GRID2: variants seen among roughly 807,000 people sequenced by gnomAD.
The protein encoded by GRID2 is glutamate ionotropic receptor delta type subunit 2.
Under a neutral mutation model 114.8 loss-of-function variants are expected in GRID2, and 33 were observed. The observed-to-expected ratio is 0.29, with a 90% confidence interval of 0.22 to 0.38. The LOEUF is 0.38. GRID2 is among the 10% of genes least tolerant of loss of function. The probability of loss-of-function intolerance (pLI) is 1.00; values close to 1 mark genes in which losing one functional copy is unlikely to be tolerated. For missense variants in GRID2, 1,184 were observed against 1,257.7 expected, an observed-to-expected ratio of 0.94 and a Z score of 0.89; for synonymous variants, 505 against 449.9, an observed-to-expected ratio of 1.12 and a Z score of -1.55.
At chr4:92,526,268 A>G (rs1245642701) in intron 1 of GRID2, among the ~76,000 whole-genome samples, 1 of 152,154 alleles carries the variant, frequency 6.6e-6, no homozygotes, top group Non-Finnish European at 1.5e-5. Flanking sequence ...CTAGAATACT[A>G]TCAACACAGC....
intron 2 of GRID2, among the ~76,000 whole-genome samples, chr4:92,762,894 C>G (rs1225042271): frequency 1.3e-5 from 2 of 152,112 alleles, no homozygotes; most frequent in Non-Finnish European, 2.9e-5. Context: ...TTTTTCTGAC[C>G]TATGCTTTAC....
intron 2 of GRID2, among the ~76,000 whole-genome samples, chr4:92,949,276 ATTAT>A: frequency 1.3e-5 from 2 of 152,028 alleles, no homozygotes; most frequent in Non-Finnish European, 2.9e-5. Flanking sequence ...TATCTATGTA[ATTAT>A]TAAAGATAAA....
intron 2 of GRID2, among the ~76,000 whole-genome samples, chr4:92,674,781 A>G (rs913196823): frequency 1.3e-5 from 2 of 152,110 alleles, no homozygotes; most frequent in African/African-American, 2.4e-5. Context: ...TCGGCCTCCC[A>G]AAGTCCAAAA....
At chr4:92,933,955 T>C (rs1485248246) in intron 2 of GRID2, among the ~76,000 whole-genome samples, 2 of 151,750 alleles carry the variant, frequency 1.3e-5, no homozygotes, top group Admixed American at 6.6e-5. Flanking sequence ...TTTTACTCTC[T>C]ATGAAACTTC....
chr4:93,688,557 C>A (rs1445792299), intron 14 of GRID2, among the ~76,000 whole-genome samples: 2 of 151,974 alleles, frequency 1.3e-5, no homozygotes, highest in African/African-American at 4.8e-5. Flanking sequence ...TGGATTTCAA[C>A]CCTGATCTGT....
At chr4:92,428,094 C>G (rs914211202) in intron 1 of GRID2, among the ~76,000 whole-genome samples, 1 of 151,910 alleles carries the variant, frequency 6.6e-6, no homozygotes, top group Non-Finnish European at 1.5e-5. Context: ...AATCCCGTCT[C>G]TACTAAAAAT....
chr4:92,610,121 C>T (rs188841128), intron 2 of GRID2, among the ~76,000 whole-genome samples: 20 of 151,742 alleles, frequency 1.3e-4, no homozygotes, highest in African/African-American at 4.6e-4. Flanking sequence ...GGAATGTGAA[C>T]AGAGGTGTGG....
At chr4:92,931,430 C>T (rs1401528795) in intron 2 of GRID2, among the ~76,000 whole-genome samples, 2 of 150,888 alleles carry the variant, frequency 1.3e-5, no homozygotes, top group Non-Finnish European at 3.0e-5. Flanking sequence ...CAGGCAAGAT[C>T]TCTTCCTACT....
chr4:92,658,805 AT>A (rs1732376132), intron 2 of GRID2, among the ~76,000 whole-genome samples: 1 of 146,286 alleles, frequency 6.8e-6, no homozygotes, highest in African/African-American at 2.5e-5. Context: ...ATATATATAT[AT>A]ATATATATAT....
chr4:92,360,874 G>GT (rs1560586449), intron 1 of GRID2, among the ~76,000 whole-genome samples: 1 of 151,858 alleles, frequency 6.6e-6, no homozygotes, highest in African/African-American at 2.4e-5. Flanking sequence ...TATATCAACT[G>GT]TAAGTCTTCA....
intron 13 of GRID2, among the ~76,000 whole-genome samples, chr4:93,578,924 C>A (rs559584438): frequency 6.6e-6 from 1 of 152,206 alleles, no homozygotes; most frequent in South Asian, 2.1e-4. Context: ...AGACATTCTT[C>A]CATAATAGTT....
chr4:92,840,172 A>AT (rs1183304274), intron 2 of GRID2, among the ~76,000 whole-genome samples: 24 of 152,062 alleles, frequency 1.6e-4, no homozygotes, highest in Middle Eastern at 3.4e-3. Flanking sequence ...TGAAATATAT[A>AT]TTTTTTCATA....
intron 9 of GRID2, among the ~76,000 whole-genome samples, chr4:93,399,668 T>C (rs61661603): frequency 0.23 from 35,142 of 151,938 alleles, 5,768 homozygotes; most frequent in African/African-American, 0.46. Context: ...TGAGCTACAG[T>C]GCAGAAAAAG....
At chr4:92,463,002 A>G (rs1721570045) in intron 1 of GRID2, among the ~76,000 whole-genome samples, 1 of 152,030 alleles carries the variant, frequency 6.6e-6, no homozygotes, top group Non-Finnish European at 1.5e-5. Flanking sequence ...AAATAAATGT[A>G]TAACATTATA....
intron 8 of GRID2, among the ~76,000 whole-genome samples, chr4:93,272,439 A>C (rs184733133): frequency 1.3e-5 from 2 of 152,328 alleles, no homozygotes; most frequent in African/African-American, 4.8e-5. Context: ...GTGCACTTTC[A>C]AAAAGCAAAG....
In GRID2 at chr4:92,801,850, A is replaced by G. The variant is rs77624632; in HGVS notation, c.244+211564A>G. ...TTTTTCTTATCCTTATTTTATAGAT[A>G]AAGAAACTGAGGAGAAAGGAAGTTA... is the stretch of plus-strand genomic sequence containing the variant. On this transcript the variant is annotated intron_variant, in intron 2 of 15. Transcript: ENST00000282020. Among the ~76,000 whole-genome samples the G allele has an allele frequency of 7.4e-4, 113 of 151,976 alleles. No individual in the cohort carries two copies. In the East Asian group the frequency reaches 0.02, roughly 27 times the overall value.
intron 8 of GRID2, among the ~76,000 whole-genome samples, chr4:93,373,179 C>G (rs1763086014): frequency 2.0e-5 from 3 of 152,100 alleles, no homozygotes; most frequent in Admixed American, 2.0e-4. Context: ...TCTCCCTTAC[C>G]TCAGAACTTG....
At chr4:93,101,540 C>T (rs184197106) in intron 3 of GRID2, among the ~76,000 whole-genome samples, 33 of 152,016 alleles carry the variant, frequency 2.2e-4, no homozygotes, top group Admixed American at 5.9e-4. Context: ...TGAGCAATAC[C>T]GTGTCATATT....
chr4:93,396,685 C>A (rs917781506), intron 9 of GRID2, among the ~76,000 whole-genome samples: 5 of 151,946 alleles, frequency 3.3e-5, no homozygotes, highest in Non-Finnish European at 5.9e-5. Context: ...GTTACAATTT[C>A]ATTTACTTAT....
Sources: allele counts gnomAD v4.1 joint callset (sites outside exome capture counted in the v4.1 genomes callset), GRCh38; gene constraint gnomAD v4.1.1; transcripts MANE v1.5; gene names NCBI Gene and HGNC (gene_info 2026-07-23, HGNC 2026-07-21).